The following APOB variants were observed in gnomAD, a reference collection of about 807,000 sequenced individuals.
The protein encoded by APOB is apolipoprotein B, also known as apolipoprotein B-100.
In APOB, 153 loss-of-function variants were observed where a neutral mutation model predicts 314.1. That is an observed-to-expected ratio of 0.49 (90% CI 0.43 to 0.56). The LOEUF (loss-of-function observed/expected upper bound fraction) is 0.56. Among genes scored for constraint, APOB ranks in the 20% least tolerant of loss-of-function variants. The probability of loss-of-function intolerance (pLI) is 0.00; values close to 1 mark genes in which losing one functional copy is unlikely to be tolerated. For missense variants in APOB, 5,430 were observed against 5,350.7 expected, an observed-to-expected ratio of 1.01 and a Z score of -0.46; for synonymous variants, 2,087 against 2,036.4, an observed-to-expected ratio of 1.02 and a Z score of -0.67.
chr2:21,011,600 A>G lies in APOB; in HGVS notation c.5268T>C (p.Ser1756=). The change falls in exon 26 of 29, where the codon AGT becomes AGC. Residue 1756 remains serine, a synonymous_variant. Transcript: ENST00000233242. ...YAEMKFDHTN[S]LNIAGLSLDF... is the part of the protein sequence containing the mutation. The stretch of plus-strand genomic sequence containing the variant: ...CCAGTGATAAGCCTGCAATGTTCAG[A>G]CTGTTTGTGTGGTCAAATTTCATTT... 1 of 1,614,176 alleles carries G rather than the reference A, an allele frequency of 6.2e-7. No homozygotes were observed. The highest frequency in any genetic ancestry group is 1.1e-5 in the South Asian group (1 of 91,082).
chr2:21,042,006 T>G (rs1664143264), intron 3 of APOB, among the ~76,000 whole-genome samples: 1 of 152,232 alleles, frequency 6.6e-6, no homozygotes, highest in African/African-American at 2.4e-5. Context: ...CATTTCACAG[T>G]GCGATTCCGA....
intron 15 of APOB, among the ~76,000 whole-genome samples, chr2:21,026,427 T>C (rs1479818761): frequency 2.0e-5 from 3 of 152,044 alleles, no homozygotes; most frequent in Non-Finnish European, 4.4e-5. Flanking sequence ...TTTTTGTATT[T>C]TTAGTAGAGA....
intron 10 of APOB, among the ~76,000 whole-genome samples, chr2:21,032,134 A>T (rs1376509494): frequency 6.6e-6 from 1 of 152,194 alleles, no homozygotes; most frequent in Non-Finnish European, 1.5e-5. Flanking sequence ...ATGTTCAAAA[A>T]CTTTTATAAT....
Position 21,004,431 on chromosome 2 carries a change from G to A in APOB, c.11925C>T (p.His3975=), listed in dbSNP as rs771298370. ...EGLQEWEGKA[H]LNIKSPAFTD... ...TGAACGCTGGGCTTTTGATATTGAG[G>A]TGCGCTTTTCCTTCCCATTCCCTGA... is the stretch of plus-strand genomic sequence containing the variant. Residue 3975 remains histidine, a synonymous_variant, in exon 28 of 29, where the codon CAC becomes CAT. Coordinates refer to ENST00000233242, the MANE Select transcript of APOB (RefSeq NM_000384.3). 6.8e-6 allele frequency: 11 copies of A among 1,613,878 alleles called. No individual in the cohort carries two copies. The highest frequency in any genetic ancestry group is 6.7e-5 in the Admixed American group (4 of 59,988).
At position 21,032,774 on chromosome 2, in the gene APOB, G is replaced by C. The variant is rs1239670067; in HGVS notation, c.1125-193C>G. ...TATTACCCACAGAAGAAGCCCAATC[G>C]AGAAAAGTTCCAAGAGGGGACTGTG... On this transcript the variant is annotated intron_variant, in intron 9 of 28. Transcript: ENST00000233242. Among the ~76,000 whole-genome samples the C allele has an allele frequency of 2.6e-5, 4 of 152,226 alleles. No homozygotes were observed. The South Asian group carries it at 8.3e-4, about 32-fold the overall frequency.
intron 14 of APOB, 77 bp from the exon 15 acceptor site, chr2:21,027,041 T>C: frequency 7.5e-7 from 1 of 1,326,810 alleles, no homozygotes. Context: ...CCACTCTTGA[T>C]GTCCATTTAT....
In APOB at chr2:21,039,786, C is replaced by G. The variant is rs919020464; in HGVS notation, c.383+1152G>C. ...GAAGACCAAGGACCAAAAAATAAAC[C>G]ACTCTTTCCTCCTGCCACCATACCC... On this transcript the variant is annotated intron_variant, in intron 4 of 28. Coordinates refer to ENST00000233242, the MANE Select transcript of APOB (RefSeq NM_000384.3). Among the ~76,000 whole-genome samples the G allele has an allele frequency of 2.0e-5, 3 of 152,200 alleles. 1 individual carries two copies. Among genetic ancestry groups the G allele is most frequent in the African/African-American group, 7.2e-5 (3 of 41,516 alleles).
chr2:21,012,046 A>T lies in APOB; in HGVS notation c.4822T>A (p.Ser1608Thr), dbSNP rs1341097223. Residue 1608 changes from serine (S) to threonine (T), a missense_variant, in exon 26 of 29, where the codon TCA becomes ACA. Ser to Thr is a moderately conservative substitution (Grantham distance 58). Around this residue, in one of 3 missense-constraint regions of APOB, gnomAD observed 2,085 missense variants for 2,079.7 expected, o/e 1.00. Coordinates refer to ENST00000233242, the MANE Select transcript of APOB (RefSeq NM_000384.3). ...GAAAGCAGGCTGAAGAACCTCAATG[A>T]CTCGTAATCAGCCTGATATTCAGAA... ...LRSEYQADYE[S>T]LRFFSLLSGS... 1 of 1,614,118 alleles carries T rather than the reference A, an allele frequency of 6.2e-7. No individual in the cohort carries two copies. The highest frequency in any genetic ancestry group is 1.3e-5 in the African/African-American group (1 of 75,004).
Position 21,011,074 on chromosome 2 carries a change from G to A in APOB, c.5794C>T (p.Leu1932=), listed in dbSNP as rs1259125148. The A allele has an allele frequency of 6.2e-7, 1 of 1,614,056 alleles. No homozygotes were observed. Among genetic ancestry groups the A allele is most frequent in the Non-Finnish European group, 8.5e-7 (1 of 1,180,026 alleles). The change falls in exon 26 of 29, where the codon CTG becomes TTG. Residue 1932 remains leucine, a synonymous_variant. Coordinates refer to ENST00000233242, the MANE Select transcript of APOB (RefSeq NM_000384.3). ...EHTGQLYSKF[L]LKAEPLAFTF... ...AATGCCAGAGGTTCTGCTTTCAACA[G>A]GAATTTGCTATACAGCTGCCCAGTA...
At chr2:21,037,845 T>G in intron 5 of APOB, 113 bp downstream of exon 5, 1 of 1,358,976 alleles carries the variant, frequency 7.4e-7, no homozygotes, top group Non-Finnish European at 1.1e-6. Flanking sequence ...GGGCTTCCTA[T>G]GTAACTAGTC....
chr2:21,040,598 T>C (rs1034954311), intron 4 of APOB, among the ~76,000 whole-genome samples: 2 of 152,182 alleles, frequency 1.3e-5, no homozygotes, highest in Non-Finnish European at 2.9e-5. Context: ...AGCCAGTGCC[T>C]CTGGGACCCC....
Position 21,042,451 on chromosome 2 carries a change from G to T in APOB, c.147C>A (p.Leu49=). Residue 49 remains leucine, a synonymous_variant, in exon 3 of 29, where the codon CTC becomes CTA. Coordinates refer to ENST00000233242, the MANE Select transcript of APOB (RefSeq NM_000384.3). ...CCTCATAGTTGTATGTGTACTTCCG[G>T]AGGTGCTTGAATCGGGTCGCATCTT... The part of the protein sequence containing the change: ...CPKDATRFKH[L]RKYTYNYEAE... 6.2e-7 allele frequency: 1 copy of T among 1,614,170 alleles called. No individual in the cohort carries two copies. The highest frequency in any genetic ancestry group is 8.5e-7 in the Non-Finnish European group (1 of 1,180,028).
rs1312206446 is a variant in APOB at position 21,010,032 on chromosome 2, T to C, written c.6836A>G (p.Gln2279Arg). ...LKRHIQNIDIQHLAGKLKQHI... is the reference protein window; with the variant it reads ...LKRHIQNIDIRHLAGKLKQHI... ...TTGTTTTAACTTTCCAGCTAGGTGC[T>C]GGATGTCTATATTCTGTATGTGTCT... Residue 2279 changes from glutamine (Q) to arginine (R), a missense_variant, in exon 26 of 29, where the codon CAG (glutamine) becomes CGG (arginine). Gln to Arg is a conservative substitution (Grantham distance 43, BLOSUM62 1). Transcript: ENST00000233242. 1.9e-6 allele frequency: 3 copies of C among 1,613,718 alleles called. No homozygotes were observed. The South Asian group carries it at 3.3e-5, about 18-fold the overall frequency.
intron 7 of APOB, 29 bp downstream of exon 7, chr2:21,035,555 A>C: frequency 8.7e-6 from 14 of 1,613,554 alleles, no homozygotes; most frequent in Non-Finnish European, 1.1e-5. Flanking sequence ...CCATTAAATG[A>C]CAAATCAGGG....
chr2:21,004,708 T>A, intron 26 of APOB, 33 bp from the exon 27 acceptor site: 1 of 1,479,336 alleles, frequency 6.8e-7, no homozygotes, highest in South Asian at 1.1e-5. Context: ...TTTATTAGAT[T>A]CATAACAGTA....
chr2:21,043,898 C>CA lies in APOB; in HGVS notation c.47_48insT (p.Leu17AlafsTer41), dbSNP rs1406780005. On this transcript the variant is annotated frameshift_variant, in exon 1 of 29. Transcript: ENST00000233242. LOFTEE classifies it high-confidence loss of function. The stretch of plus-strand genomic sequence containing the variant: ...CGCCCGCCAGCAGCAGCAGCAGCAG[C>CA]GCAGGCAGCGCCAGCAGCGCCAGCA... 9.1e-6 allele frequency: 13 copies of CA among 1,429,018 alleles called. No individual in the cohort carries two copies. The Admixed American group carries it at 1.1e-4, about 12-fold the overall frequency. 88.5% of individuals were successfully genotyped at this position (1,429,018 alleles called of 1,614,324 possible).
Position 21,009,872 on chromosome 2 carries a change from C to A in APOB, c.6996G>T (p.Glu2332Asp). The A allele has an allele frequency of 6.2e-7, 1 of 1,613,988 alleles. No homozygotes were observed. Among genetic ancestry groups the A allele is most frequent in the Middle Eastern group, 1.7e-4 (1 of 6,060 alleles). The change falls in exon 26 of 29, where the codon GAG (glutamate) becomes GAT (aspartate). Residue 2332 changes from glutamate (E) to aspartate (D), a missense_variant. By Grantham distance (45) the Glu-to-Asp change is conservative. Coordinates refer to ENST00000233242, the MANE Select transcript of APOB (RefSeq NM_000384.3). ...INLIGDFEVA[E>D]KINAFRAKVH... ...CTTTGGCTCTGAAGGCATTGATTTT[C>A]TCAGCTACTTCAAAATCCCCAATAA... is the stretch of plus-strand genomic sequence containing the variant.
intron 10 of APOB, among the ~76,000 whole-genome samples, chr2:21,031,706 A>C (rs538945115): frequency 6.6e-6 from 1 of 152,246 alleles, no homozygotes; most frequent in East Asian, 1.9e-4. Flanking sequence ...AAAATTAGCC[A>C]GGGCATGGTA....
intron 6 of APOB, among the ~76,000 whole-genome samples, chr2:21,036,355 T>G (rs1307665758): frequency 6.6e-6 from 1 of 152,204 alleles, no homozygotes; most frequent in Non-Finnish European, 1.5e-5. Context: ...CTCTTCTGAC[T>G]GTGGCACTCA....
Sources: allele counts gnomAD v4.1 joint callset (sites outside exome capture counted in the v4.1 genomes callset), GRCh38; gene constraint gnomAD v4.1.1; regional missense constraint gnomAD v4.1.1; transcripts MANE v1.5; gene names NCBI Gene and HGNC (gene_info 2026-07-23, HGNC 2026-07-21).